FRMD4A: variants seen among roughly 807,000 people sequenced by gnomAD.
FRMD4A encodes FERM domain-containing protein 4A.
In FRMD4A, 29 loss-of-function variants were observed where a neutral mutation model predicts 129.1. The observed-to-expected ratio is 0.22, with a 90% CI of 0.17 to 0.31. FRMD4A has a LOEUF of 0.31. Among genes scored for constraint, FRMD4A ranks in the 10% least tolerant of loss-of-function variants. FRMD4A has a pLI of 1.00. For missense variants in FRMD4A, 1,272 were observed against 1,375.8 expected, an observed-to-expected ratio of 0.92 and a Z score of 1.19; for synonymous variants, 634 against 571.6, an observed-to-expected ratio of 1.11 and a Z score of -1.56.
At position 13,657,152 on chromosome 10, in the gene FRMD4A, C is replaced by A; in HGVS notation, c.2437G>T (p.Ala813Ser). ...TACACACCGCCCCCCGCGCCCCCCGCGCCCCCCGCACCCCCGCGCGCCGCC... is the reference window on the plus strand; with the variant it reads ...TACACACCGCCCCCCGCGCCCCCCGAGCCCCCCGCACCCCCGCGCGCCGCC... Reference protein sequence around the residue: ...NLAARGGAGGAGGAGGGVYLH... With the variant: ...NLAARGGAGGSGGAGGGVYLH... Residue 813 changes from alanine to serine, a missense_variant, in exon 22 of 25, where the codon GCG becomes TCG. Physicochemically the swap from Ala to Ser is moderately conservative, Grantham distance 99. Around this residue, in one of 2 missense-constraint regions of FRMD4A, gnomAD observed 972 missense variants for 892.3 expected, o/e 1.09. Transcript: ENST00000357447. 1 of 1,476,706 alleles carries A rather than the reference C, an allele frequency of 6.8e-7. No homozygotes were observed. Among genetic ancestry groups the A allele is most frequent in the Non-Finnish European group, 9.0e-7 (1 of 1,115,858 alleles). The allele number at this position is 1,476,706 out of a possible 1,614,324, so 91.5% of individuals were successfully genotyped here.
intron 2 of FRMD4A, among the ~76,000 whole-genome samples, chr10:14,249,321 C>A (rs532390742): frequency 6.8e-6 from 1 of 147,630 alleles, no homozygotes; most frequent in Non-Finnish European, 1.5e-5. Flanking sequence ...CACTGCACTC[C>A]AGCCTGAGCG....
chr10:14,222,364 G>A (rs747062917), intron 2 of FRMD4A, among the ~76,000 whole-genome samples: 21 of 152,184 alleles, frequency 1.4e-4, no homozygotes, highest in South Asian at 4.1e-4. Context: ...TCTAGCGTGC[G>A]AAATGCGTAG....
chr10:14,040,732 G>A (rs531421484), intron 2 of FRMD4A, among the ~76,000 whole-genome samples: 1 of 144,200 alleles, frequency 6.9e-6, no homozygotes, highest in Non-Finnish European at 1.5e-5. Context: ...ACCATAGACT[G>A]TCTCAGTTTC....
At position 13,675,852 on chromosome 10, in the gene FRMD4A, G is replaced by A. The variant is rs2083936138; in HGVS notation, c.1118-808C>T. 2.6e-5 allele frequency: 4 copies of A among 152,052 alleles called. 1 individual carries two copies. Among genetic ancestry groups the A allele is most frequent in the African/African-American group, 9.7e-5 (4 of 41,334 alleles). The allele number at this position is 152,052 out of a possible 1,614,324, so 9.4% of individuals were successfully genotyped here. A position where few individuals can be genotyped will look rare whatever the true frequency, so the allele number is the denominator to read the frequency against. ...AACTAATCACCCAGAAATAACCATTGCTATGCATTTTCTTTTGGCCTTTTT... is the reference window on the plus strand; with the variant it reads ...AACTAATCACCCAGAAATAACCATTACTATGCATTTTCTTTTGGCCTTTTT... On this transcript the variant is annotated intron_variant, in intron 15 of 24. Transcript: ENST00000357447.
intron 2 of FRMD4A, among the ~76,000 whole-genome samples, chr10:13,863,994 T>TTCTC (rs377146732): frequency 3.3e-5 from 5 of 151,136 alleles, no homozygotes; most frequent in African/African-American, 1.2e-4. Context: ...CTCTCTTTCT[T>TTCTC]TCTCTCTCTC....
At chr10:14,307,847 A>G (rs1846404231) in intron 2 of FRMD4A, among the ~76,000 whole-genome samples, 1 of 152,192 alleles carries the variant, frequency 6.6e-6, no homozygotes, top group African/African-American at 2.4e-5. Flanking sequence ...AGATGTTTGT[A>G]TTCACCTTAG....
At chr10:13,939,698 C>A (rs774403325) in intron 2 of FRMD4A, among the ~76,000 whole-genome samples, 1 of 152,132 alleles carries the variant, frequency 6.6e-6, no homozygotes, top group Non-Finnish European at 1.5e-5. Flanking sequence ...CCAACAACAA[C>A]AAGAATAATC....
At chr10:13,649,235 G>A (rs1016184046) in intron 24 of FRMD4A, 36 of 152,242 alleles carry the variant, frequency 2.4e-4, no homozygotes, top group African/African-American at 8.4e-4. Context: ...AGTGCACTAT[G>A]TATTGATCAT....
intron 13 of FRMD4A, among the ~76,000 whole-genome samples, chr10:13,703,256 A>G (rs1238985358): frequency 1.3e-5 from 2 of 151,926 alleles, no homozygotes; most frequent in African/African-American, 4.9e-5. Flanking sequence ...TCAGATACTC[A>G]GAGTTCTTCT....
chr10:13,945,238 A>C (rs1168721656), intron 2 of FRMD4A, among the ~76,000 whole-genome samples: 2 of 152,192 alleles, frequency 1.3e-5, no homozygotes, highest in Non-Finnish European at 2.9e-5. Flanking sequence ...CCATATCTTA[A>C]ATATTTTCTC....
intron 6 of FRMD4A, among the ~76,000 whole-genome samples, chr10:13,770,722 C>G (rs2092432810): frequency 6.6e-6 from 1 of 152,032 alleles, no homozygotes. Flanking sequence ...GGGATTACAG[C>G]TGTGAGCTAC....
intron 2 of FRMD4A, among the ~76,000 whole-genome samples, chr10:14,032,421 C>T (rs922865762): frequency 2.0e-5 from 3 of 152,162 alleles, no homozygotes; most frequent in South Asian, 4.1e-4. Context: ...ATTAGTGAAG[C>T]GCTTTTCCTG....
chr10:13,850,366 C>T (rs146650681), intron 3 of FRMD4A, among the ~76,000 whole-genome samples: 2,020 of 152,180 alleles, frequency 0.013, 18 homozygotes, highest in Middle Eastern at 0.017. Context: ...TTAATGTACT[C>T]GACCTTTAAG....
chr10:14,142,929 A>G (rs1229777076), intron 2 of FRMD4A, among the ~76,000 whole-genome samples: 1 of 152,208 alleles, frequency 6.6e-6, no homozygotes, highest in Non-Finnish European at 1.5e-5. Context: ...GGAAAATACA[A>G]ATCAAAACAA....
intron 2 of FRMD4A, among the ~76,000 whole-genome samples, chr10:14,154,398 G>C (rs1466869142): frequency 6.6e-6 from 1 of 152,168 alleles, no homozygotes; most frequent in Non-Finnish European, 1.5e-5. Context: ...GCTATATGGA[G>C]AGGTTTGATT....
At chr10:14,250,180 T>G (rs758914394) in intron 2 of FRMD4A, among the ~76,000 whole-genome samples, 4 of 152,208 alleles carry the variant, frequency 2.6e-5, no homozygotes, top group Admixed American at 2.6e-4. Flanking sequence ...AGGTTGGTCT[T>G]GAACTCCTGA....
At chr10:14,064,919 T>C (rs552637928) in intron 2 of FRMD4A, among the ~76,000 whole-genome samples, 1 of 152,242 alleles carries the variant, frequency 6.6e-6, no homozygotes, top group South Asian at 2.1e-4. Flanking sequence ...GATCATTCAT[T>C]GAAATGGCAG....
chr10:14,055,126 T>C (rs1379747994), intron 2 of FRMD4A, among the ~76,000 whole-genome samples: 1 of 152,004 alleles, frequency 6.6e-6, no homozygotes, highest in Non-Finnish European at 1.5e-5. Flanking sequence ...AGCACTGAAG[T>C]ACTTCAGAGA....
chr10:13,671,683 A>T (rs1248949339), intron 16 of FRMD4A, among the ~76,000 whole-genome samples: 1 of 152,222 alleles, frequency 6.6e-6, no homozygotes, highest in East Asian at 1.9e-4. Flanking sequence ...AGTGAGTTGT[A>T]TCAGGGCTGA....
Sources: gnomAD v4.1 joint callset for allele counts (sites outside exome capture counted in the v4.1 genomes callset) on GRCh38, gnomAD v4.1.1 for gene constraint, gnomAD v4.1.1 regional missense constraint, MANE v1.5 for transcripts, NCBI Gene and HGNC (gene_info 2026-07-23, HGNC 2026-07-21) for gene names.